Variants in TFEC observed in about 807,000 individuals in gnomAD.
The protein encoded by TFEC is transcription factor EC.
In TFEC, 31 loss-of-function variants were observed where a neutral mutation model predicts 41.6. The ratio of observed to expected loss-of-function variants is 0.74; its 90% confidence interval spans 0.56 to 1.01. TFEC has a LOEUF of 1.01. Among genes scored for constraint, TFEC ranks in the 50% least tolerant of loss-of-function variants. The probability of loss-of-function intolerance (pLI) is 0.00; values close to 1 mark genes in which losing one functional copy is unlikely to be tolerated. For missense variants in TFEC, 402 were observed against 404.1 expected (o/e 0.99, Z 0.04); for synonymous variants, 143 against 140.6 (o/e 1.02, Z -0.12).
intron 3 of TFEC, among the ~76,000 whole-genome samples, chr7:115,957,542 ATTGAT>A (rs1792300380): frequency 6.6e-6 from 1 of 151,874 alleles, no homozygotes; most frequent in African/African-American, 2.4e-5. Flanking sequence ...AAGTGTGCTT[ATTGAT>A]TTGATTTCCC....
chr7:116,038,949 C>T (rs1290282254), intron 3 of TFEC, among the ~76,000 whole-genome samples: 1 of 152,098 alleles, frequency 6.6e-6, no homozygotes, highest in Non-Finnish European at 1.5e-5. Context: ...GCTTTCAGCA[C>T]TACTGAGAGA....
chr7:116,042,970 T>C (rs775070434), intron 3 of TFEC, among the ~76,000 whole-genome samples: 1 of 152,186 alleles, frequency 6.6e-6, no homozygotes, highest in Non-Finnish European at 1.5e-5. Flanking sequence ...CAAATACATG[T>C]ACTTTTGTTG....
At chr7:115,974,436 A>ATT (rs1793287564) in intron 2 of TFEC, among the ~76,000 whole-genome samples, 180 bp from the exon 3 acceptor site, 1 of 62,234 alleles carries the variant, frequency 1.6e-5, no homozygotes, top group African/African-American at 6.5e-5. Flanking sequence ...ATATATATAT[A>ATT]TATATATATA....
chr7:116,041,283 T>C (rs980939685), intron 3 of TFEC, among the ~76,000 whole-genome samples: 3 of 151,298 alleles, frequency 2.0e-5, no homozygotes, highest in African/African-American at 7.3e-5. Context: ...AAAGGAAGCA[T>C]TAAAAAAAAA....
chr7:115,973,637 T>C (rs1584617623), intron 3 of TFEC, among the ~76,000 whole-genome samples: 1 of 152,078 alleles, frequency 6.6e-6, no homozygotes, highest in Admixed American at 6.6e-5. Flanking sequence ...GATTTCAACA[T>C]AGAAGTCTTT....
chr7:116,046,230 G>A (rs112446620), intron 3 of TFEC, among the ~76,000 whole-genome samples: 3,046 of 152,174 alleles, frequency 0.02, 90 homozygotes, highest in African/African-American at 0.068. Context: ...ATATTTGGAG[G>A]GGCCAGGGGC....
chr7:116,156,923 GC>G (rs1353908281), intron 1 of TFEC, among the ~76,000 whole-genome samples: 2 of 152,122 alleles, frequency 1.3e-5, no homozygotes, highest in African/African-American at 4.8e-5. Context: ...GGAAGGCTTA[GC>G]TTAAGTTGAC....
intron 6 of TFEC, among the ~76,000 whole-genome samples, chr7:115,946,153 T>C (rs1051924097): frequency 1.3e-5 from 2 of 151,544 alleles, no homozygotes; most frequent in Non-Finnish European, 2.9e-5. Flanking sequence ...CACAGGCATA[T>C]AGGGAAGACA....
intron 1 of TFEC, among the ~76,000 whole-genome samples, chr7:115,988,827 G>C (rs1402088667): frequency 6.6e-6 from 1 of 151,570 alleles, no homozygotes; most frequent in Admixed American, 6.6e-5. Context: ...GAAAATCAAA[G>C]ATAAAGAAAA....
intron 3 of TFEC, among the ~76,000 whole-genome samples, chr7:116,047,989 C>T (rs1339414759): frequency 6.6e-6 from 1 of 152,182 alleles, no homozygotes; most frequent in East Asian, 1.9e-4. Flanking sequence ...AGTACATCAC[C>T]ATCATCAAAG....
intron 1 of TFEC, among the ~76,000 whole-genome samples, chr7:116,137,894 ATAAT>A (rs1262623284): frequency 6.6e-6 from 1 of 151,984 alleles, no homozygotes; most frequent in Non-Finnish European, 1.5e-5. Flanking sequence ...TAATAAATAA[ATAAT>A]TATAAATTTG....
At chr7:116,152,074 T>C (rs62475200) in intron 1 of TFEC, among the ~76,000 whole-genome samples, 9,251 of 151,814 alleles carry the variant, frequency 0.061, 375 homozygotes, top group Non-Finnish European at 0.09. Flanking sequence ...GATTAAACTT[T>C]GAATTAATAA....
At chr7:116,110,462 A>C (rs1050990215) in intron 3 of TFEC, among the ~76,000 whole-genome samples, 1 of 152,112 alleles carries the variant, frequency 6.6e-6, no homozygotes, top group African/African-American at 2.4e-5. Flanking sequence ...TAATAACAGG[A>C]AAGGGAAAAG....
chr7:116,142,200 G>T (rs1321266460), intron 1 of TFEC, among the ~76,000 whole-genome samples: 2 of 152,072 alleles, frequency 1.3e-5, no homozygotes, highest in African/African-American at 4.8e-5. Flanking sequence ...GAGGCCCAAG[G>T]GGTTCTCCAT....
At chr7:115,974,325 A>G (rs988812049) in intron 2 of TFEC, 69 bp from the exon 3 acceptor site, 11 of 1,243,930 alleles carry the variant, frequency 8.8e-6, no homozygotes, top group Non-Finnish European at 1.2e-5. Flanking sequence ...CTGAAAACAG[A>G]GAGAAAAATT....
At chr7:116,029,235 T>C (rs1022884106) in intron 1 of TFEC, among the ~76,000 whole-genome samples, 12 of 152,108 alleles carry the variant, frequency 7.9e-5, no homozygotes, top group Non-Finnish European at 1.6e-4. Flanking sequence ...ATGTATTCCA[T>C]TTGTTTTAGA....
intron 1 of TFEC, among the ~76,000 whole-genome samples, chr7:116,007,931 T>C (rs910559499): frequency 6.6e-5 from 10 of 152,242 alleles, no homozygotes; most frequent in Non-Finnish European, 1.3e-4. Context: ...GCTAATTCTT[T>C]CAACATTCAC....
At chr7:116,060,964 T>C (rs1255454763) in intron 3 of TFEC, among the ~76,000 whole-genome samples, 1 of 152,016 alleles carries the variant, frequency 6.6e-6, no homozygotes, top group Admixed American at 6.6e-5. Context: ...TAAAAAAAAT[T>C]AAAGAAGACC....
chr7:115,961,332 A>T (rs1792536366), intron 3 of TFEC, among the ~76,000 whole-genome samples: 1 of 151,668 alleles, frequency 6.6e-6, no homozygotes, highest in African/African-American at 2.4e-5. Context: ...CTCAAAGTTT[A>T]AGATGAAATC....
Sources: allele counts gnomAD v4.1 joint callset (sites outside exome capture counted in the v4.1 genomes callset), GRCh38; gene constraint gnomAD v4.1.1; transcripts MANE v1.5; gene names NCBI Gene and HGNC (gene_info 2026-07-23, HGNC 2026-07-21).